The following RECQL4 variants were observed in gnomAD, a reference collection of about 807,000 sequenced individuals.
RECQL4 encodes the protein RecQ like helicase 4, also known as ATP-dependent DNA helicase Q4.
A neutral mutation model predicts 128.6 loss-of-function variants in RECQL4; 158 were observed. The ratio of observed to expected loss-of-function variants is 1.23; its 90% CI spans 1.08 to 1.40. The LOEUF (loss-of-function observed/expected upper bound fraction) is 1.40, where lower values mean the gene tolerates loss of function less well. Among genes scored for constraint, RECQL4 ranks in the 40% most tolerant of loss-of-function variants. RECQL4 has a pLI of 0.00. For synonymous variants in RECQL4, 996 were observed against 678.9 expected (o/e 1.47, Z -7.26); for missense variants, 2,293 against 1,649.8 (o/e 1.39, Z -6.75).
chr8:144,513,850 C>CA, intron 12 of RECQL4, 78 bp downstream of exon 12: 2 of 1,468,050 alleles, frequency 1.4e-6, no homozygotes, highest in African/African-American at 2.9e-5. Flanking sequence ...TCGGCGTGGG[C>CA]GGTGGGGAGT....
Position 144,512,961 on chromosome 8 carries a change from C to T in RECQL4, c.2641G>A (p.Glu881Lys), listed in dbSNP as rs2130670791. 6.4e-7 allele frequency: 1 copy of T among 1,572,782 alleles called. No homozygotes were observed. The highest frequency in any genetic ancestry group is 8.6e-7 in the Non-Finnish European group (1 of 1,159,418). Residue 881 changes from glutamate (E) to lysine (K), a missense_variant, in exon 15 of 21, where the codon GAG becomes AAG. Glu to Lys is a moderately conservative substitution (Grantham distance 56, BLOSUM62 1). Transcript: ENST00000617875. Reference protein sequence around the residue: ...ERPVPKYPPQEAEQLSHQAAP... With the variant: ...ERPVPKYPPQKAEQLSHQAAP... The stretch of plus-strand genomic sequence containing the variant: ...GCTTGGTGGCTAAGCTGCTCAGCCT[C>T]TTGAGGGGGGTACTTGGGCACAGGC...
Position 144,511,563 on chromosome 8 carries a change from G to C in RECQL4, c.3503-8C>G. The C allele has an allele frequency of 6.2e-7, 1 of 1,611,784 alleles. No homozygotes were observed. The highest frequency in any genetic ancestry group is 8.5e-7 in the Non-Finnish European group (1 of 1,179,302). The stretch of plus-strand genomic sequence containing the variant: ...CCGGGTAGCAGGGGCTTCCTACGGT[G>C]GAGCCAAGACACAGCCGTGAGCCCC... On this transcript the variant is annotated splice_polypyrimidine_tract_variant and splice_region_variant and intron_variant, in intron 20 of 20. Transcript: ENST00000617875.
chr8:144,512,279 G>T lies in RECQL4; in HGVS notation c.3101C>A (p.Ala1034Asp). 6.2e-7 allele frequency: 1 copy of T among 1,612,488 alleles called. No homozygotes were observed. The highest frequency in any genetic ancestry group is 1.7e-5 in the Admixed American group (1 of 60,024). Residue 1034 changes from alanine (A) to aspartate (D), a missense_variant, in exon 18 of 21, where the codon GCC becomes GAC. By Grantham distance (126) the Ala-to-Asp change is moderately radical. Coordinates refer to ENST00000617875, the MANE Select transcript of RECQL4 (RefSeq NM_004260.4). The stretch of plus-strand genomic sequence containing the variant: ...GTCCCCCGGGCTGCGAAGGTGGAAG[G>T]CCAGCTCACTGAACTCCACAAGCAC... ...TGVLVEFSEL[A>D]FHLRSPGDLT... is the part of the protein sequence containing the mutation.
At position 144,515,744 on chromosome 8, in the gene RECQL4, C is replaced by T. The variant is rs34689258; in HGVS notation, c.1258+20G>A. The T allele has an allele frequency of 6.2e-7, 1 of 1,611,362 alleles. No individual in the cohort carries two copies. The highest frequency in any genetic ancestry group is 8.5e-7 in the Non-Finnish European group (1 of 1,179,300). On this transcript the variant is annotated intron_variant, in intron 6 of 20. Transcript: ENST00000617875. ...CTCCACAGTGTTGGCCGGACCCACC[C>T]TCCAGGGCAGATGTCTCACCTGGCC... is the stretch of plus-strand genomic sequence containing the variant.
chr8:144,511,558 A>C lies in RECQL4; in HGVS notation c.3503-3T>G, dbSNP rs1174432737. On this transcript the variant is annotated splice_polypyrimidine_tract_variant and splice_region_variant and intron_variant, in intron 20 of 20. Transcript: ENST00000617875. ...CTGGGCCGGGTAGCAGGGGCTTCCT[A>C]CGGTGGAGCCAAGACACAGCCGTGA... 1 of 1,611,854 alleles carries C rather than the reference A, an allele frequency of 6.2e-7. No individual in the cohort carries two copies.
chr8:144,514,546 G>A (rs373225871), intron 9 of RECQL4, 21 bp from the exon 10 acceptor site: 129 of 1,603,982 alleles, frequency 8.0e-5, no homozygotes, highest in Admixed American at 1.7e-4. Flanking sequence ...AGGAGCGACA[G>A]CCGTCATACG....
At position 144,512,931 on chromosome 8, in the gene RECQL4, G is replaced by A. The variant is rs757175211; in HGVS notation, c.2671C>T (p.Pro891Ser). Residue 891 changes from proline (P) to serine (S), a missense_variant, in exon 15 of 21, where the codon CCA becomes TCA. Pro to Ser is a moderately conservative substitution (Grantham distance 74, BLOSUM62 -1). Coordinates refer to ENST00000617875, the MANE Select transcript of RECQL4 (RefSeq NM_004260.4). The part of the protein sequence containing the change: ...EAEQLSHQAA[P>S]GPRRVCMGHE... The stretch of plus-strand genomic sequence containing the variant: ...CCCATGCAGACCCTTCTGGGTCCTG[G>A]GGCTGCTTGGTGGCTAAGCTGCTCA... The A allele has an allele frequency of 2.5e-6, 4 of 1,578,412 alleles. No individual in the cohort carries two copies. Among genetic ancestry groups the A allele is most frequent in the African/African-American group, 2.7e-5 (2 of 74,208 alleles).
rs369670064 is a variant in RECQL4 at position 144,515,770 on chromosome 8, G to A, written c.1252C>T (p.Arg418Trp). 1.6e-5 allele frequency: 26 copies of A among 1,611,952 alleles called. No individual in the cohort carries two copies. The highest frequency in any genetic ancestry group is 2.7e-5 in the African/African-American group (2 of 74,900). The stretch of plus-strand genomic sequence containing the variant: ...TCCAGGGCAGATGTCTCACCTGGCC[G>A]GGGACACTGGGCTGCCCAGTGATCG... ...QFDHWAAQCP[R>W]PASEEDTDAV... Residue 418 changes from arginine (R) to tryptophan (W), a missense_variant, in exon 6 of 21, where the codon CGG (arginine) becomes TGG (tryptophan). Transcript: ENST00000617875.
In RECQL4 at chr8:144,511,473, C is replaced by A. The variant is rs767956471; in HGVS notation, c.3585G>T (p.Leu1195=). The A allele has an allele frequency of 6.2e-7, 1 of 1,612,464 alleles. No individual in the cohort carries two copies. Among genetic ancestry groups the A allele is most frequent in the Non-Finnish European group, 8.5e-7 (1 of 1,179,778 alleles). Reference sequence around the variant, plus strand: ...GGAGCTCTTCCGTGGCCAGGCCCACCAGGGCATGGAAGCTCAGGTGCAGGT... The same window carrying A: ...GGAGCTCTTCCGTGGCCAGGCCCACAAGGGCATGGAAGCTCAGGTGCAGGT... ...RKYLHLSFHA[L]VGLATEELLQ... is the part of the protein sequence containing the mutation. Residue 1195 remains leucine (L), a synonymous_variant, in exon 21 of 21, where the codon CTG becomes CTT. Transcript: ENST00000617875.
chr8:144,516,786 A>G, intron 4 of RECQL4, 22 bp from the exon 5 acceptor site: 1 of 1,514,824 alleles, frequency 6.6e-7, no homozygotes, highest in South Asian at 1.4e-5. Context: ...ACAACAGAAC[A>G]GCAGGAGGAA....
At chr8:144,516,956 C>T in intron 4 of RECQL4, 94 bp downstream of exon 4, 3 of 1,505,704 alleles carry the variant, frequency 2.0e-6, no homozygotes, top group Non-Finnish European at 2.7e-6. Context: ...CACAGGGGCC[C>T]GTGCCTGTCT....
chr8:144,516,945 G>A, intron 4 of RECQL4, 105 bp downstream of exon 4: 2 of 1,487,222 alleles, frequency 1.3e-6, no homozygotes, highest in Non-Finnish European at 1.8e-6. Context: ...GCCCTGGTTG[G>A]CACAGGGGCC....
Position 144,513,142 on chromosome 8 carries a change from C to G in RECQL4, c.2464-4G>C, listed in dbSNP as rs371431265. On this transcript the variant is annotated splice_polypyrimidine_tract_variant and splice_region_variant and intron_variant, in intron 14 of 20. Transcript: ENST00000617875. The stretch of plus-strand genomic sequence containing the variant: ...GCAGCTCTCGCAGGTCTTCGCCCTG[C>G]AGGGCAACTTTCATGAGGGTGGGGT... The G allele has an allele frequency of 6.5e-7, 1 of 1,542,696 alleles. No individual in the cohort carries two copies. The highest frequency in any genetic ancestry group is 1.5e-5 in the African/African-American group (1 of 67,736).
chr8:144,515,964 T>C (rs1278965735), intron 5 of RECQL4, 24 bp downstream of exon 5: 2 of 1,610,924 alleles, frequency 1.2e-6, no homozygotes, highest in Middle Eastern at 1.6e-4. Context: ...AGGGAATGCC[T>C]GTCCTGGCCC....
rs974662500 is a variant in RECQL4 at position 144,515,351 on chromosome 8, G to A, written c.1365C>T (p.Ser455=). 9 of 1,612,640 alleles carry A rather than the reference G, an allele frequency of 5.6e-6. No individual in the cohort carries two copies. The African/African-American group carries it at 6.7e-5, about 12-fold the overall frequency. Residue 455 remains serine, a synonymous_variant, in exon 7 of 21, where the codon TCC becomes TCT. Coordinates refer to ENST00000617875, the MANE Select transcript of RECQL4 (RefSeq NM_004260.4). The part of the protein sequence containing the change: ...SLDPTVLPLY[S]LGPSGQLAET... ...CTGCCAACTGCCCTGAGGGCCCCAG[G>A]GAGTAGAGTGGCAGCACGGTGGGGT...
chr8:144,514,292 G>A lies in RECQL4; in HGVS notation c.1775C>T (p.Pro592Leu), dbSNP rs951288456. Residue 592 changes from proline to leucine, a missense_variant, in exon 11 of 21, where the codon CCA (proline) becomes CTA (leucine). Transcript: ENST00000617875. The part of the protein sequence containing the change: ...EALVGAGGLP[P>L]AAQLPPVAFA... The stretch of plus-strand genomic sequence containing the variant: ...AGCAACTGGAGGCAGCTGTGCGGCT[G>A]GAGGGAGGCCTCCCGCCCCCACCAG... The A allele has an allele frequency of 7.4e-6, 12 of 1,611,190 alleles. No homozygotes were observed. Among genetic ancestry groups the A allele is most frequent in the Non-Finnish European group, 9.3e-6 (11 of 1,179,388 alleles).
chr8:144,514,113 C>A lies in RECQL4; in HGVS notation c.1879-6G>T, dbSNP rs765433205. 5 of 1,608,028 alleles carry A rather than the reference C, an allele frequency of 3.1e-6. No homozygotes were observed. The highest frequency in any genetic ancestry group is 4.2e-6 in the Non-Finnish European group (5 of 1,178,070). ...CCCATGCGCTCCCGAAGCACCTGCA[C>A]CAGAGGCGGCAGTGGTGTGAGGCCG... On this transcript the variant is annotated splice_region_variant and splice_polypyrimidine_tract_variant and intron_variant, in intron 11 of 20. Transcript: ENST00000617875.
Position 144,512,534 on chromosome 8 carries a change from G to A in RECQL4, c.2913C>T (p.Ala971=), listed in dbSNP as rs761367235. 15 of 1,612,476 alleles carry A rather than the reference G, an allele frequency of 9.3e-6. No homozygotes were observed. In the South Asian group the frequency reaches 1.3e-4, roughly 14 times the overall value. Reference sequence around the variant, plus strand: ...GCCCTGGGTCCTCAGGCAGCTGCTGGGCCAAGCACACAGCCAAAGGGGGAC... The same window carrying A: ...GCCCTGGGTCCTCAGGCAGCTGCTGAGCCAAGCACACAGCCAAAGGGGGAC... ...HRCPPLAVCL[A]QQLPEDPGQG... The change falls in exon 17 of 21, where the codon GCC becomes GCT. Residue 971 remains alanine (A), a synonymous_variant. Coordinates refer to ENST00000617875, the MANE Select transcript of RECQL4 (RefSeq NM_004260.4).
rs373657692 is a variant in RECQL4, at chr8:144,516,105, G to C, written c.1014C>G (p.Pro338=). The part of the protein sequence containing the change: ...ARAGKAEGTA[P]LHIFPRLARH... ...GGGCCAGCCGAGGGAAGATGTGCAG[G>C]GGGGCTGTGCCCTCAGCCTTCCCAG... The change falls in exon 5 of 21, where the codon CCC becomes CCG. Residue 338 remains proline, a synonymous_variant. Transcript: ENST00000617875. 2.2e-5 allele frequency: 35 copies of C among 1,612,744 alleles called. No homozygotes were observed. The highest frequency in any genetic ancestry group is 2.5e-5 in the Non-Finnish European group (30 of 1,179,882).
Sources: gnomAD v4.1 joint callset for allele counts on GRCh38, gnomAD v4.1.1 for gene constraint, MANE v1.5 for transcripts, NCBI Gene and HGNC (gene_info 2026-07-23, HGNC 2026-07-21) for gene names.